Variants in ATF7IP observed in about 807,000 individuals in gnomAD.
ATF7IP encodes the protein activating transcription factor 7-interacting protein 1.
In ATF7IP, 23 loss-of-function variants were observed where a neutral mutation model predicts 106.4. The observed-to-expected ratio is 0.22, with a 90% CI of 0.16 to 0.31. The LOEUF is 0.31. ATF7IP is among the 10% of genes least tolerant of loss of function. The pLI is 1.00. For missense variants in ATF7IP, 1,334 were observed against 1,524.3 expected (o/e 0.88, Z 2.08); for synonymous variants, 542 against 539.0 (o/e 1.01, Z -0.08).
intron 1 of ATF7IP, among the ~76,000 whole-genome samples, chr12:14,407,131 C>T (rs1360491286): frequency 1.3e-5 from 2 of 152,220 alleles, no homozygotes; most frequent in African/African-American, 2.4e-5. Context: ...TTTAGGCTTT[C>T]GTAGTGTCAA....
chr12:14,452,434 T>C, intron 6 of ATF7IP, among the ~76,000 whole-genome samples: 1 of 152,192 alleles, frequency 6.6e-6, no homozygotes, highest in East Asian at 1.9e-4. Flanking sequence ...CCTTTGTGTT[T>C]CATTGCTTTT....
intron 13 of ATF7IP, among the ~76,000 whole-genome samples, chr12:14,493,606 C>G (rs775684178): frequency 6.6e-6 from 1 of 152,164 alleles, no homozygotes; most frequent in Non-Finnish European, 1.5e-5. Context: ...AAAGCTTCAT[C>G]AGAATTTACA....
intron 1 of ATF7IP, among the ~76,000 whole-genome samples, chr12:14,395,656 G>T (rs951816455): frequency 7.9e-5 from 12 of 152,048 alleles, no homozygotes; most frequent in African/African-American, 2.9e-4. Flanking sequence ...TAAGTATAAA[G>T]TTTTAGTTTA....
intron 1 of ATF7IP, among the ~76,000 whole-genome samples, chr12:14,418,615 T>C (rs904281280): frequency 6.6e-6 from 1 of 152,244 alleles, no homozygotes; most frequent in East Asian, 1.9e-4. Context: ...TTCTCAAATA[T>C]GCTTCGCTAA....
chr12:14,413,989 C>A (rs1271439099), intron 1 of ATF7IP, among the ~76,000 whole-genome samples: 1 of 152,110 alleles, frequency 6.6e-6, no homozygotes, highest in Non-Finnish European at 1.5e-5. Context: ...TGGAACTTAG[C>A]AAGCATCTGC....
At chr12:14,457,424 T>C in intron 8 of ATF7IP, 129 bp downstream of exon 8, 1 of 684,684 alleles carries the variant, frequency 1.5e-6, no homozygotes, top group Non-Finnish European at 2.4e-6. Flanking sequence ...ACAAAAATTT[T>C]GTTAAAAATT....
At chr12:14,441,136 T>G (rs750808571) in intron 5 of ATF7IP, among the ~76,000 whole-genome samples, 2 of 152,216 alleles carry the variant, frequency 1.3e-5, no homozygotes, top group African/African-American at 4.8e-5. Context: ...TTTGTTTAAC[T>G]TACTGAAGAA....
intron 1 of ATF7IP, among the ~76,000 whole-genome samples, chr12:14,377,119 C>T (rs1163398059): frequency 1.2e-4 from 18 of 151,412 alleles, no homozygotes; most frequent in African/African-American, 3.6e-4. Context: ...TTCAGCCTTC[C>T]GAGTAGCTGG....
intron 6 of ATF7IP, among the ~76,000 whole-genome samples, chr12:14,447,785 C>T (rs1943041160): frequency 6.6e-6 from 1 of 152,036 alleles, no homozygotes; most frequent in Non-Finnish European, 1.5e-5. Flanking sequence ...TGTAGTCAGT[C>T]CTCTTTTATG....
intron 1 of ATF7IP, among the ~76,000 whole-genome samples, chr12:14,393,146 A>G (rs767382337): frequency 7.2e-5 from 11 of 152,204 alleles, no homozygotes; most frequent in Non-Finnish European, 1.6e-4. Context: ...ATGTTGGACT[A>G]AGTTATTTTA....
intron 1 of ATF7IP, among the ~76,000 whole-genome samples, chr12:14,388,034 A>G (rs1441791907): frequency 2.3e-5 from 3 of 129,220 alleles, no homozygotes; most frequent in South Asian, 2.4e-4. Flanking sequence ...TTTTTTTGAG[A>G]CGGAGTTTCA....
rs1035749985 is a variant in ATF7IP at position 14,500,587 on chromosome 12, A to G, written c.*2514A>G. 4 of 152,226 alleles carry G rather than the reference A, an allele frequency of 2.6e-5. No individual in the cohort carries two copies. The highest frequency in any genetic ancestry group is 4.4e-5 in the Non-Finnish European group (3 of 68,026). 9.4% of individuals were successfully genotyped at this position (152,226 alleles called of 1,614,324 possible). On this transcript the variant is annotated 3_prime_UTR_variant, in exon 15 of 15. Transcript: ENST00000261168. ...TGGTTGCAATGTTGATATGTGTTCA[A>G]GATTATTCCTGTCTACAAAACTGAA...
At chr12:14,435,930 C>A (rs1246896789) in intron 3 of ATF7IP, among the ~76,000 whole-genome samples, 176 bp from the exon 4 acceptor site, 1 of 152,178 alleles carries the variant, frequency 6.6e-6, no homozygotes, top group Non-Finnish European at 1.5e-5. Flanking sequence ...TATTGAAAGT[C>A]ATTTGAAGTT....
chr12:14,467,990 G>A (rs114736699), intron 10 of ATF7IP, among the ~76,000 whole-genome samples: 4,200 of 152,054 alleles, frequency 0.028, 79 homozygotes, highest in African/African-American at 0.05. Context: ...TATGTGGCTG[G>A]GCATGGTGTC....
At chr12:14,453,677 T>C (rs1439646975) in intron 6 of ATF7IP, among the ~76,000 whole-genome samples, 1 of 151,412 alleles carries the variant, frequency 6.6e-6, no homozygotes, top group African/African-American at 2.4e-5. Context: ...CAGGCTGGAG[T>C]GTAACGGCGC....
rs765740134 is a variant in ATF7IP, at chr12:14,424,035, T to C, written c.120T>C (p.Asp40=). The part of the protein sequence containing the change: ...YKVKEELLKT[D]VKLLNGNHEN... ...TCAAAGAAGAACTGTTGAAAACTGATGTCAAGCTGTTAAATGGCAACCATG... is the reference window on the plus strand; with the variant it reads ...TCAAAGAAGAACTGTTGAAAACTGACGTCAAGCTGTTAAATGGCAACCATG... Residue 40 remains aspartate (D), a synonymous_variant, in exon 2 of 15, where the codon GAT becomes GAC. Coordinates refer to ENST00000261168, the MANE Select transcript of ATF7IP (RefSeq NM_018179.5). The C allele has an allele frequency of 1.9e-6, 3 of 1,614,202 alleles. No individual in the cohort carries two copies. The highest frequency in any genetic ancestry group is 2.2e-5 in the East Asian group (1 of 44,878).
chr12:14,478,833 A>T (rs1944344042), intron 12 of ATF7IP, among the ~76,000 whole-genome samples: 1 of 152,240 alleles, frequency 6.6e-6, no homozygotes, highest in South Asian at 2.1e-4. Context: ...TTTCATGAAT[A>T]CAAAGTTCCA....
chr12:14,485,339 G>C (rs1169289631), intron 13 of ATF7IP, among the ~76,000 whole-genome samples: 1 of 151,758 alleles, frequency 6.6e-6, no homozygotes, highest in Non-Finnish European at 1.5e-5. Flanking sequence ...GTTGTAGGAA[G>C]GGCCAGATGC....
At position 14,456,752 on chromosome 12, in the gene ATF7IP, A is replaced by G. The variant is rs1348557678; in HGVS notation, c.2069+118A>G. ...TTATGTAGAAATAAGTGTTTGGTGTACTTGGTTAGTATATTTTCTTTTTCT... is the reference window on the plus strand; with the variant it reads ...TTATGTAGAAATAAGTGTTTGGTGTGCTTGGTTAGTATATTTTCTTTTTCT... On this transcript the variant is annotated intron_variant, in intron 7 of 14. Coordinates refer to ENST00000261168, the MANE Select transcript of ATF7IP (RefSeq NM_018179.5). The G allele has an allele frequency of 7.1e-6, 5 of 706,530 alleles. No homozygotes were observed. The East Asian group carries it at 1.1e-4, about 16-fold the overall frequency. The allele number at this position is 706,530 out of a possible 1,614,324, so 43.8% of individuals were successfully genotyped here.
Sources: gnomAD v4.1 joint callset for allele counts (sites outside exome capture counted in the v4.1 genomes callset) on GRCh38, gnomAD v4.1.1 for gene constraint, MANE v1.5 for transcripts, NCBI Gene and HGNC (gene_info 2026-07-23, HGNC 2026-07-21) for gene names.